HIVEP3: variants seen among roughly 807,000 people sequenced by gnomAD.
The protein encoded by HIVEP3 is transcription factor HIVEP3.
A neutral mutation model predicts 152.8 loss-of-function variants in HIVEP3; 49 were observed. The observed-to-expected ratio is 0.32, with a 90% CI of 0.26 to 0.41. The LOEUF (loss-of-function observed/expected upper bound fraction) is 0.41. Among genes scored for constraint, HIVEP3 ranks in the 10% least tolerant of loss-of-function variants. The pLI is 1.00. For missense variants in HIVEP3, 2,790 were observed against 3,103.3 expected (o/e 0.90, Z 2.40); for synonymous variants, 1,269 against 1,289.0 (o/e 0.98, Z 0.33).
intron 1 of HIVEP3, among the ~76,000 whole-genome samples, chr1:41,965,360 C>T (rs1465984972): frequency 6.6e-6 from 1 of 152,152 alleles, no homozygotes; most frequent in African/African-American, 2.4e-5. Flanking sequence ...CAAATGACTG[C>T]AATACCTCTC....
At chr1:41,956,362 T>C (rs1266957409) in intron 1 of HIVEP3, among the ~76,000 whole-genome samples, 1 of 152,158 alleles carries the variant, frequency 6.6e-6, no homozygotes, top group African/African-American at 2.4e-5. Flanking sequence ...CGGTCCAGGG[T>C]GCTGTGAGTT....
At chr1:41,654,152 A>G (rs188589413) in intron 2 of HIVEP3, among the ~76,000 whole-genome samples, 89 of 152,276 alleles carry the variant, frequency 5.8e-4, no homozygotes, top group African/African-American at 2.1e-3. Context: ...ATCAAGTGAA[A>G]TTGAGTTGGT....
At chr1:42,034,720 G>A (rs149843995) in intron 1 of HIVEP3, among the ~76,000 whole-genome samples, 16 of 152,242 alleles carry the variant, frequency 1.1e-4, no homozygotes, top group African/African-American at 3.9e-4. Context: ...AAGGTAACCT[G>A]GTAAAGCAGA....
intron 3 of HIVEP3, among the ~76,000 whole-genome samples, chr1:41,624,431 G>A (rs970659656): frequency 2.0e-5 from 3 of 152,216 alleles, no homozygotes; most frequent in Admixed American, 6.5e-5. Flanking sequence ...GCCAACAAGT[G>A]CTGCCGGTTT....
rs1274760410 is a variant in HIVEP3, at chr1:42,034,663, T to C, written n.119+1144A>G. ...CCAACCCGGCTGGATACAGCCCTAC[T>C]GGGAAGATAGGGAGAGAATGAGAAG... is the stretch of plus-strand genomic sequence containing the variant. On this transcript the variant is annotated intron_variant and non_coding_transcript_variant, in intron 1 of 3. Transcript: ENST00000489103. Among the ~76,000 whole-genome samples the C allele has an allele frequency of 5.3e-5, 8 of 152,206 alleles. No homozygotes were observed. The South Asian group carries it at 1.2e-3, about 24-fold the overall frequency.
intron 1 of HIVEP3, among the ~76,000 whole-genome samples, chr1:41,901,491 GA>G (rs1644622555): frequency 6.6e-6 from 1 of 152,124 alleles, no homozygotes; most frequent in African/African-American, 2.4e-5. Flanking sequence ...TAGCCAAGCA[GA>G]GGGGTGGTGG....
At chr1:41,572,883 T>C (rs949898271) in intron 5 of HIVEP3, among the ~76,000 whole-genome samples, 4 of 152,252 alleles carry the variant, frequency 2.6e-5, no homozygotes, top group African/African-American at 9.6e-5. Flanking sequence ...TTAAACCAAT[T>C]TGAATAGTCA....
intron 1 of HIVEP3, among the ~76,000 whole-genome samples, chr1:41,876,845 T>TG: frequency 6.6e-6 from 1 of 152,320 alleles, no homozygotes; most frequent in Non-Finnish European, 1.5e-5. Flanking sequence ...ACTTTCTAAC[T>TG]GGGTTTTTTG....
intron 1 of HIVEP3, among the ~76,000 whole-genome samples, chr1:41,748,962 C>T (rs942940762): frequency 4.6e-5 from 7 of 152,076 alleles, no homozygotes; most frequent in Non-Finnish European, 7.4e-5. Context: ...GTGTGCCTTC[C>T]GCAAGCATCT....
At chr1:41,616,022 C>G (rs1371782015) in intron 3 of HIVEP3, among the ~76,000 whole-genome samples, 1 of 151,890 alleles carries the variant, frequency 6.6e-6, no homozygotes, top group Non-Finnish European at 1.5e-5. Flanking sequence ...GTGGTTTAAC[C>G]AAAGGGGAGA....
intron 1 of HIVEP3, among the ~76,000 whole-genome samples, chr1:41,849,759 C>T (rs1355471420): frequency 2.6e-5 from 4 of 151,136 alleles, no homozygotes; most frequent in Admixed American, 2.6e-4. Flanking sequence ...GGCGCAATCT[C>T]GGCTCACTGC....
At chr1:41,577,381 T>C (rs1024809144) in intron 4 of HIVEP3, among the ~76,000 whole-genome samples, 1 of 152,208 alleles carries the variant, frequency 6.6e-6, no homozygotes, top group Non-Finnish European at 1.5e-5. Flanking sequence ...GGTGAAGTTA[T>C]TGGCCCAAGG....
At chr1:41,530,805 C>T (rs1471700979) in intron 5 of HIVEP3, among the ~76,000 whole-genome samples, 1 of 152,220 alleles carries the variant, frequency 6.6e-6, no homozygotes, top group East Asian at 1.9e-4. Context: ...TTTCCTCCTC[C>T]ACATCAAGCT....
intron 1 of HIVEP3, among the ~76,000 whole-genome samples, chr1:41,861,492 C>T (rs1643887043): frequency 6.6e-6 from 1 of 152,164 alleles, no homozygotes; most frequent in Non-Finnish European, 1.5e-5. Flanking sequence ...TGCAGGTCAG[C>T]CTTTATGGGA....
chr1:42,032,116 C>T (rs888858486), intron 1 of HIVEP3, among the ~76,000 whole-genome samples: 1 of 152,192 alleles, frequency 6.6e-6, no homozygotes, highest in African/African-American at 2.4e-5. Context: ...GGACATCTCC[C>T]TACAAAATCA....
At chr1:41,539,802 T>TA (rs772372655) in intron 5 of HIVEP3, among the ~76,000 whole-genome samples, 49 of 152,280 alleles carry the variant, frequency 3.2e-4, no homozygotes, top group Middle Eastern at 3.4e-3. Context: ...TAAAAACCGC[T>TA]AAAAAAAGTC....
At chr1:41,822,866 A>G (rs895228774) in intron 1 of HIVEP3, among the ~76,000 whole-genome samples, 11 of 152,198 alleles carry the variant, frequency 7.2e-5, no homozygotes, top group Non-Finnish European at 1.2e-4. Context: ...TAGTTTCAGC[A>G]TTCATGTTCT....
chr1:41,614,060 C>G (rs903754448), intron 3 of HIVEP3, among the ~76,000 whole-genome samples: 1 of 152,204 alleles, frequency 6.6e-6, no homozygotes, highest in African/African-American at 2.4e-5. Context: ...GAGCTGGCCG[C>G]TCTGAGCCAT....
At chr1:41,827,871 G>C (rs1642849177) in intron 1 of HIVEP3, among the ~76,000 whole-genome samples, 1 of 151,988 alleles carries the variant, frequency 6.6e-6, no homozygotes, top group Admixed American at 6.6e-5. Flanking sequence ...TGGGGGGCAT[G>C]GGGTAAAGTA....
Sources: gnomAD v4.1 joint callset for allele counts (sites outside exome capture counted in the v4.1 genomes callset) on GRCh38, gnomAD v4.1.1 for gene constraint, MANE v1.5 for transcripts, NCBI Gene and HGNC (gene_info 2026-07-23, HGNC 2026-07-21) for gene names.